The following RAP1GAP2 variants were observed in gnomAD, a reference collection of about 807,000 sequenced individuals.
The protein encoded by RAP1GAP2 is rap1 GTPase-activating protein 2.
In RAP1GAP2, 27 loss-of-function variants were observed where a neutral mutation model predicts 95.0. The ratio of observed to expected loss-of-function variants is 0.28; its 90% CI spans 0.21 to 0.39. The LOEUF (loss-of-function observed/expected upper bound fraction) is 0.39. RAP1GAP2 is among the 10% of genes least tolerant of loss of function. The pLI is 1.00. For missense variants in RAP1GAP2, 771 were observed against 970.0 expected (o/e 0.79, Z 2.72); for synonymous variants, 373 against 380.9 (o/e 0.98, Z 0.24).
In RAP1GAP2 at chr17:2,976,069, C is replaced by T. The variant is rs574531278; in HGVS notation, c.597-4218C>T. ...GTCATTAACTTGTACTTAATAACGT[C>T]GTCTTGAATTTTAAAAAGCAAAACT... On this transcript the variant is annotated intron_variant, in intron 8 of 24. Transcript: ENST00000254695. 1.4e-4 allele frequency among the ~76,000 whole-genome samples: 22 copies of T among 152,220 alleles called. No individual in the cohort carries two copies. The South Asian group carries it at 2.9e-3, about 20-fold the overall frequency.
intron 16 of RAP1GAP2, 80 bp from the exon 17 acceptor site, chr17:3,007,931 A>T: frequency 6.6e-7 from 1 of 1,504,016 alleles, no homozygotes; most frequent in Non-Finnish European, 9.1e-7. Context: ...CCTCCAGGCC[A>T]GGTGTCTGGA....
At chr17:2,809,199 G>T (rs2069651485) in intron 2 of RAP1GAP2, among the ~76,000 whole-genome samples, 1 of 152,210 alleles carries the variant, frequency 6.6e-6, no homozygotes, top group South Asian at 2.1e-4. Context: ...CAGCTCCCCG[G>T]ACTTGGCCAG....
In RAP1GAP2 at chr17:2,904,664, C is replaced by T. The variant is rs2042140158; in HGVS notation, c.81-620C>T. Among the ~76,000 whole-genome samples, 1 of 151,880 alleles carries T rather than the reference C, an allele frequency of 6.6e-6. No homozygotes were observed. Among genetic ancestry groups the T allele is most frequent in the Non-Finnish European group, 1.5e-5 (1 of 67,986 alleles). ...CCTGGATCTCTTTAGCCCCGTGGTT[C>T]TCAGACTTTGCCGTGTAGCAGAATG... On this transcript the variant is annotated intron_variant, in intron 2 of 24. Coordinates refer to ENST00000254695, the MANE Select transcript of RAP1GAP2 (RefSeq NM_015085.5). This position sits in a 1 kb window ranked among gnomAD's most constrained non-coding sequence, Gnocchi z 4.7.
At chr17:2,795,754 T>A (rs2069058787), upstream of RAP1GAP2, among the ~76,000 whole-genome samples, 1 of 152,198 alleles carries the variant, frequency 6.6e-6, no homozygotes, top group Non-Finnish European at 1.5e-5. Flanking sequence ...TGTCAGTATG[T>A]GAGAAGCGTG....
At chr17:2,860,594 C>CTTTT (rs561492877) in intron 2 of RAP1GAP2, among the ~76,000 whole-genome samples, 23 of 96,058 alleles carry the variant, frequency 2.4e-4, no homozygotes, top group South Asian at 3.6e-4. Context: ...ACTTATTTAT[C>CTTTT]TTTTTTTTTT....
chr17:3,032,904 C>G (rs1241564345), intron 24 of RAP1GAP2, among the ~76,000 whole-genome samples: 1 of 152,176 alleles, frequency 6.6e-6, no homozygotes, highest in African/African-American at 2.4e-5. Context: ...AGGCCTCTTC[C>G]CCTGCCTGCT....
Position 3,026,000 on chromosome 17 carries a change from T to C in RAP1GAP2, c.1752-8T>C, listed in dbSNP as rs754026543. ...CCGCGGCCTCACTCCTCATTTCCAT[T>C]CCCTCAGTGACAGCACATCCAGCAC... On this transcript the variant is annotated splice_region_variant and splice_polypyrimidine_tract_variant and intron_variant, in intron 19 of 24. Transcript: ENST00000254695. 3.1e-6 allele frequency: 5 copies of C among 1,600,580 alleles called. No individual in the cohort carries two copies. The South Asian group carries it at 3.3e-5, about 11-fold the overall frequency.
intron 16 of RAP1GAP2, among the ~76,000 whole-genome samples, chr17:3,006,421 C>T (rs962156445): frequency 4.7e-5 from 7 of 150,318 alleles, no homozygotes; most frequent in African/African-American, 7.4e-5. Context: ...TGAGCCACTG[C>T]GCCTGGCCAA....
intron 16 of RAP1GAP2, among the ~76,000 whole-genome samples, chr17:3,006,626 G>C (rs1232941479): frequency 6.6e-6 from 1 of 150,834 alleles, no homozygotes; most frequent in Non-Finnish European, 1.5e-5. Context: ...GTAGAGATGG[G>C]GTTTTGCCAT....
chr17:2,853,820 A>C, intron 2 of RAP1GAP2: 2 of 603,720 alleles, frequency 3.3e-6, no homozygotes, highest in Non-Finnish European at 4.1e-6. Context: ...GGTCGCCGGG[A>C]GGGAGGGGAG....
chr17:3,025,709 G>A (rs190405655), intron 19 of RAP1GAP2, among the ~76,000 whole-genome samples: 11 of 152,316 alleles, frequency 7.2e-5, no homozygotes, highest in Admixed American at 7.2e-4. Context: ...AGGTGTGATG[G>A]CCAGCTTGGG....
chr17:3,005,383 G>T lies in RAP1GAP2; in HGVS notation c.1215G>T (p.Ala405=). The T allele has an allele frequency of 6.2e-7, 1 of 1,613,894 alleles. No homozygotes were observed. The highest frequency in any genetic ancestry group is 8.5e-7 in the Non-Finnish European group (1 of 1,179,806). The stretch of plus-strand genomic sequence containing the variant: ...GTTTCACTCAGGTCTCTGTCACTGC[G>T]CGGGAAGATGTGCCCACCTTTGGTC... ...ETPSYKVSVT[A]REDVPTFGPP... is the part of the protein sequence containing the mutation. The change falls in exon 15 of 25, where the codon GCG becomes GCT. Residue 405 remains alanine (A), a synonymous_variant. Coordinates refer to ENST00000254695, the MANE Select transcript of RAP1GAP2 (RefSeq NM_015085.5). This position sits in a 1 kb window ranked among gnomAD's most constrained non-coding sequence, Gnocchi z 5.2.
chr17:2,791,842 G>A (rs1023452344), upstream of RAP1GAP2, among the ~76,000 whole-genome samples: 2 of 151,080 alleles, frequency 1.3e-5, no homozygotes, highest in African/African-American at 2.4e-5. Context: ...TTCACAGACC[G>A]CTTCCCTTTT....
chr17:2,982,351 G>A (rs2317466), intron 10 of RAP1GAP2, among the ~76,000 whole-genome samples: 43,457 of 152,054 alleles, frequency 0.29, 6,661 homozygotes, highest in South Asian at 0.5. Context: ...TGTTGGCCAG[G>A]CTGGTCTCGA....
chr17:2,987,912 G>A (rs905912215), intron 11 of RAP1GAP2, among the ~76,000 whole-genome samples: 5 of 152,116 alleles, frequency 3.3e-5, no homozygotes, highest in Non-Finnish European at 7.4e-5. Context: ...ATCATCTGCC[G>A]CTCTTCATGG....
chr17:3,004,958 G>A lies in RAP1GAP2; in HGVS notation c.1201-411G>A, dbSNP rs938073513. Among the ~76,000 whole-genome samples, 3 of 152,156 alleles carry A rather than the reference G, an allele frequency of 2.0e-5. No individual in the cohort carries two copies. Among genetic ancestry groups the A allele is most frequent in the Admixed American group, 6.5e-5 (1 of 15,272 alleles). On this transcript the variant is annotated intron_variant, in intron 14 of 24. Coordinates refer to ENST00000254695, the MANE Select transcript of RAP1GAP2 (RefSeq NM_015085.5). The surrounding 1 kb of genome is among the most constrained non-coding windows in gnomAD (Gnocchi z 4.1). Reference sequence around the variant, plus strand: ...CTGCGGCTAATCACCTGTGGGACTTGGGGGCTTCTCTGTGTGTCTCTGGGC... The same window carrying A: ...CTGCGGCTAATCACCTGTGGGACTTAGGGGCTTCTCTGTGTGTCTCTGGGC...
chr17:2,802,604 G>A (rs1597337117), intron 2 of RAP1GAP2, among the ~76,000 whole-genome samples: 2 of 152,114 alleles, frequency 1.3e-5, no homozygotes, highest in African/African-American at 2.4e-5. Flanking sequence ...CCAGCTACTC[G>A]GCCGACTGAG....
At chr17:2,782,998 C>A (rs1010893796) in intron 1 of RAP1GAP2, among the ~76,000 whole-genome samples, 31 of 152,204 alleles carry the variant, frequency 2.0e-4, no homozygotes, top group African/African-American at 7.2e-4. Flanking sequence ...GCCTGGGTGA[C>A]AGAGTAAGAC....
At chr17:2,917,301 G>A (rs1279084180) in intron 3 of RAP1GAP2, among the ~76,000 whole-genome samples, 4 of 151,590 alleles carry the variant, frequency 2.6e-5, no homozygotes, top group South Asian at 4.2e-4. Flanking sequence ...ACAGAGTTGC[G>A]CTCTTGTTGC....
Sources: allele counts gnomAD v4.1 joint callset (sites outside exome capture counted in the v4.1 genomes callset), GRCh38; gene constraint gnomAD v4.1.1; non-coding constraint Gnocchi (gnomAD v3.1); transcripts MANE v1.5; gene names NCBI Gene and HGNC (gene_info 2026-07-23, HGNC 2026-07-21).